CDH9: variants seen among roughly 807,000 people sequenced by gnomAD.
CDH9 encodes the protein cadherin-9.
A neutral mutation model predicts 70.9 loss-of-function variants in CDH9; 28 were observed. The ratio of observed to expected loss-of-function variants is 0.40; its 90% CI spans 0.29 to 0.54. CDH9 has a LOEUF of 0.54. CDH9 is among the 20% of genes least tolerant of loss of function. CDH9 has a pLI of 0.59. For missense variants in CDH9, 874 were observed against 984.4 expected (o/e 0.89, Z 1.50); for synonymous variants, 409 against 343.1 (o/e 1.19, Z -2.12).
chr5:26,952,652 A>G lies in CDH9; in HGVS notation c.228+35454T>C, dbSNP rs112998527. 8.1e-3 allele frequency among the ~76,000 whole-genome samples: 1,151 copies of G among 141,278 alleles called. 11 individuals carry two copies. Among genetic ancestry groups the G allele is most frequent in the Non-Finnish European group, 0.014 (926 of 64,860 alleles). 92.7% of individuals were successfully genotyped at this position (141,278 alleles called of 152,430 possible). ...TCCGTCTCAAAAAAAAAAAAAAAAA[A>G]AAAGAAAGAAAAAAAGAGGTGATTG... On this transcript the variant is annotated intron_variant, in intron 2 of 11. Transcript: ENST00000231021.
At chr5:26,945,205 C>CT (rs200610013) in intron 2 of CDH9, among the ~76,000 whole-genome samples, 276 of 144,164 alleles carry the variant, frequency 1.9e-3, no homozygotes, top group African/African-American at 5.3e-3. Context: ...TGTTTCCTTG[C>CT]TTTTTTTTTT....
At chr5:26,937,687 A>C (rs1027376919) in intron 2 of CDH9, among the ~76,000 whole-genome samples, 1 of 152,142 alleles carries the variant, frequency 6.6e-6, no homozygotes, top group Non-Finnish European at 1.5e-5. Flanking sequence ...AAGGAAATTA[A>C]ATTCATGTTG....
intron 1 of CDH9, among the ~76,000 whole-genome samples, chr5:27,032,643 G>A (rs984730422): frequency 6.6e-6 from 1 of 151,558 alleles, no homozygotes; most frequent in African/African-American, 2.4e-5. Flanking sequence ...TAATCTAGAA[G>A]GAGTGGTAGT....
chr5:27,024,449 T>G (rs1472671364), intron 1 of CDH9, among the ~76,000 whole-genome samples: 1 of 152,090 alleles, frequency 6.6e-6, no homozygotes, highest in East Asian at 1.9e-4. Flanking sequence ...TTTGGAGGTA[T>G]AATTATGTTT....
intron 2 of CDH9, among the ~76,000 whole-genome samples, chr5:26,947,442 A>G (rs1320502432): frequency 6.6e-6 from 1 of 152,204 alleles, no homozygotes; most frequent in Non-Finnish European, 1.5e-5. Context: ...TCCAAAACAT[A>G]CAGTCCGCAG....
chr5:26,990,518 T>C (rs1742562951), intron 1 of CDH9, among the ~76,000 whole-genome samples: 1 of 152,202 alleles, frequency 6.6e-6, no homozygotes, highest in South Asian at 2.1e-4. Flanking sequence ...TGTAATCCTG[T>C]AAACTGTGGA....
intron 8 of CDH9, among the ~76,000 whole-genome samples, chr5:26,890,184 A>G (rs1740632555): frequency 1.3e-5 from 2 of 152,214 alleles, no homozygotes; most frequent in Non-Finnish European, 2.9e-5. Flanking sequence ...ATTTTCTTAG[A>G]TTATTTTTAT....
At chr5:26,928,236 T>C (rs184354570) in intron 2 of CDH9, among the ~76,000 whole-genome samples, 1 of 151,968 alleles carries the variant, frequency 6.6e-6, no homozygotes, top group Non-Finnish European at 1.5e-5. Context: ...AAGAAACTTA[T>C]CCCATTTACA....
At chr5:26,902,229 C>G (rs753810521) in intron 7 of CDH9, among the ~76,000 whole-genome samples, 8 of 151,918 alleles carry the variant, frequency 5.3e-5, no homozygotes, top group Non-Finnish European at 7.4e-5. Flanking sequence ...ATAATACTAT[C>G]TACCTTGTAC....
rs374595478 is a variant in CDH9, at chr5:26,920,568, G to GT, written c.229-4645dup. On this transcript the variant is annotated intron_variant, in intron 2 of 11. Coordinates refer to ENST00000231021, the MANE Select transcript of CDH9 (RefSeq NM_016279.4). ...TACTGTGGGCCTTGGGAGACACCCA[G>GT]TGCAGTCCCAGTGGCGGGGGCCACA... 3.2e-3 allele frequency among the ~76,000 whole-genome samples: 489 copies of GT among 152,238 alleles called. 1 individual carries two copies. The highest frequency in any genetic ancestry group is 0.011 in the African/African-American group (473 of 41,566).
At chr5:26,905,754 C>T (rs984971961) in intron 5 of CDH9, among the ~76,000 whole-genome samples, 2 of 151,980 alleles carry the variant, frequency 1.3e-5, no homozygotes, top group Non-Finnish European at 2.9e-5. Flanking sequence ...TCTTCCACTA[C>T]ATACTCCAAA....
At chr5:26,973,007 G>A (rs1742246444) in intron 2 of CDH9, among the ~76,000 whole-genome samples, 1 of 152,072 alleles carries the variant, frequency 6.6e-6, no homozygotes, top group Non-Finnish European at 1.5e-5. Flanking sequence ...GCGACTACAA[G>A]CGTGTGCTAC....
chr5:27,007,242 A>G (rs1742880407), intron 1 of CDH9, among the ~76,000 whole-genome samples: 1 of 152,062 alleles, frequency 6.6e-6, no homozygotes, highest in South Asian at 2.1e-4. Flanking sequence ...ACTGTATTTG[A>G]TTTGACAGAG....
chr5:26,918,641 T>G (rs1741190375), intron 2 of CDH9, among the ~76,000 whole-genome samples: 1 of 152,226 alleles, frequency 6.6e-6, no homozygotes, highest in South Asian at 2.1e-4. Context: ...GGGTGACTAG[T>G]CTTTAAACAA....
intron 7 of CDH9, among the ~76,000 whole-genome samples, chr5:26,895,069 A>G (rs1740726045): frequency 6.6e-6 from 1 of 152,112 alleles, no homozygotes; most frequent in Non-Finnish European, 1.5e-5. Flanking sequence ...AGAATAAATG[A>G]GTAATATGCA....
chr5:26,955,407 G>T (rs981251361), intron 2 of CDH9, among the ~76,000 whole-genome samples: 3 of 152,172 alleles, frequency 2.0e-5, no homozygotes, highest in Non-Finnish European at 4.4e-5. Flanking sequence ...TATCAGCAGG[G>T]CCACATTCCT....
intron 2 of CDH9, among the ~76,000 whole-genome samples, chr5:26,974,281 T>G (rs1742268570): frequency 6.6e-6 from 1 of 151,988 alleles, no homozygotes; most frequent in Non-Finnish European, 1.5e-5. Context: ...AAAGGCCATC[T>G]ATAGCAAGCA....
intron 2 of CDH9, among the ~76,000 whole-genome samples, chr5:26,963,454 T>C (rs7708658): frequency 0.7 from 106,831 of 151,560 alleles, 41,079 homozygotes; most frequent in East Asian, 0.99. Flanking sequence ...TTTATGATGA[T>C]AGCAATTGTT....
chr5:26,996,465 A>T (rs1344536451), intron 1 of CDH9, among the ~76,000 whole-genome samples: 1 of 151,948 alleles, frequency 6.6e-6, no homozygotes, highest in African/African-American at 2.4e-5. Context: ...ATTTTCCAAT[A>T]CTCTGTTTTG....
Sources: allele counts gnomAD v4.1 joint callset (sites outside exome capture counted in the v4.1 genomes callset), GRCh38; gene constraint gnomAD v4.1.1; transcripts MANE v1.5; gene names NCBI Gene and HGNC (gene_info 2026-07-23, HGNC 2026-07-21).